Variants in PPP1R9A observed in about 807,000 individuals in gnomAD.
PPP1R9A encodes the protein neurabin-1.
A neutral mutation model predicts 141.9 loss-of-function variants in PPP1R9A; 59 were observed. The observed-to-expected ratio is 0.42, with a 90% CI of 0.34 to 0.52. The LOEUF (loss-of-function observed/expected upper bound fraction) is 0.52, where lower values mean the gene tolerates loss of function less well. Ranked by LOEUF, PPP1R9A falls within the 20% of genes least tolerant of loss-of-function variation. The pLI is 0.10. For missense variants in PPP1R9A, 1,444 were observed against 1,611.9 expected (o/e 0.90, Z 1.78); for synonymous variants, 500 against 569.7 (o/e 0.88, Z 1.74).
rs1175152097 is a variant in PPP1R9A at position 94,987,503 on chromosome 7, G to A, written c.1395+75995G>A. ...TGAGCTAGTAAGCCTACTTCTCATAGTGTATTCTATGTAAATAATTCAAAA... is the reference window on the plus strand; with the variant it reads ...TGAGCTAGTAAGCCTACTTCTCATAATGTATTCTATGTAAATAATTCAAAA... On this transcript the variant is annotated intron_variant, in intron 2 of 19. Transcript: ENST00000433360. Among the ~76,000 whole-genome samples, 6 of 152,254 alleles carry A rather than the reference G, an allele frequency of 3.9e-5. 1 individual carries two copies. Among genetic ancestry groups the A allele is most frequent in the African/African-American group, 1.4e-4 (6 of 41,570 alleles).
At chr7:94,927,444 T>C (rs1004426314) in intron 2 of PPP1R9A, among the ~76,000 whole-genome samples, 4 of 152,240 alleles carry the variant, frequency 2.6e-5, no homozygotes, top group Admixed American at 2.0e-4. Flanking sequence ...TTGTTACTGC[T>C]GTTTTTCATC....
At chr7:95,163,676 A>G (rs780473217) in intron 5 of PPP1R9A, among the ~76,000 whole-genome samples, 1 of 152,112 alleles carries the variant, frequency 6.6e-6, no homozygotes, top group Admixed American at 6.5e-5. Flanking sequence ...AGATATTTTG[A>G]TGTGGGATGC....
At chr7:95,060,489 CT>C (rs1335558522) in intron 2 of PPP1R9A, among the ~76,000 whole-genome samples, 1 of 152,146 alleles carries the variant, frequency 6.6e-6, no homozygotes. Context: ...GCTGTGCCTC[CT>C]TCACCAGTGC....
At chr7:95,023,217 G>A (rs1806259223) in intron 2 of PPP1R9A, among the ~76,000 whole-genome samples, 2 of 152,148 alleles carry the variant, frequency 1.3e-5, no homozygotes, top group African/African-American at 4.8e-5. Flanking sequence ...GAGGGTGTAT[G>A]TGTCGAGAAA....
At chr7:95,184,392 G>T (rs1358997329) in intron 5 of PPP1R9A, among the ~76,000 whole-genome samples, 3 of 152,122 alleles carry the variant, frequency 2.0e-5, no homozygotes, top group Non-Finnish European at 4.4e-5. Flanking sequence ...TTGTTTGAAT[G>T]AAATTATTTG....
intron 2 of PPP1R9A, among the ~76,000 whole-genome samples, chr7:95,084,246 A>T (rs533066605): frequency 8.5e-5 from 13 of 152,184 alleles, no homozygotes; most frequent in Admixed American, 1.3e-4. Context: ...CAGAGAAGTC[A>T]GTCTGTTGCT....
intron 2 of PPP1R9A, among the ~76,000 whole-genome samples, chr7:95,109,761 T>C (rs939984501): frequency 7.9e-5 from 12 of 151,706 alleles, no homozygotes; most frequent in South Asian, 6.2e-4. Flanking sequence ...GGAGAATTAC[T>C]TGAGCTCAGA....
chr7:95,263,710 C>T (rs766879790), intron 12 of PPP1R9A, among the ~76,000 whole-genome samples: 7 of 152,120 alleles, frequency 4.6e-5, no homozygotes, highest in African/African-American at 1.2e-4. Flanking sequence ...CCACTGTACC[C>T]GGCCTCTTTC....
At chr7:95,065,505 A>C (rs1347310819) in intron 2 of PPP1R9A, among the ~76,000 whole-genome samples, 1 of 152,178 alleles carries the variant, frequency 6.6e-6, no homozygotes, top group East Asian at 1.9e-4. Context: ...TACTTTTTTT[A>C]AAAAAGGAAT....
At chr7:95,048,200 T>G (rs1810299604) in intron 2 of PPP1R9A, among the ~76,000 whole-genome samples, 1 of 152,156 alleles carries the variant, frequency 6.6e-6, no homozygotes, top group Admixed American at 6.5e-5. Flanking sequence ...TTGAGAGCAT[T>G]TTCTCCTTAA....
chr7:94,972,675 A>G (rs1377932542), intron 2 of PPP1R9A, among the ~76,000 whole-genome samples: 2 of 152,124 alleles, frequency 1.3e-5, no homozygotes, highest in Non-Finnish European at 2.9e-5. Flanking sequence ...CTGAGCAAGA[A>G]GAGAATGAAT....
chr7:95,186,209 G>A (rs1256574361), intron 5 of PPP1R9A, among the ~76,000 whole-genome samples: 2 of 152,062 alleles, frequency 1.3e-5, no homozygotes, highest in African/African-American at 4.8e-5. Flanking sequence ...CTTCAGCAAC[G>A]TTTTGTAGTT....
At chr7:95,224,758 A>G (rs1398554461) in intron 7 of PPP1R9A, among the ~76,000 whole-genome samples, 1 of 151,896 alleles carries the variant, frequency 6.6e-6, no homozygotes. Flanking sequence ...GAAGAATATA[A>G]TACAGAATCA....
At chr7:95,122,020 T>C (rs1822706787) in intron 4 of PPP1R9A, among the ~76,000 whole-genome samples, 1 of 152,218 alleles carries the variant, frequency 6.6e-6, no homozygotes, top group Admixed American at 6.5e-5. Context: ...TATGTTGTTT[T>C]ATGTACATTT....
intron 2 of PPP1R9A, among the ~76,000 whole-genome samples, chr7:95,074,562 C>T (rs1020427415): frequency 1.3e-5 from 2 of 151,448 alleles, no homozygotes; most frequent in African/African-American, 4.9e-5. Flanking sequence ...CCAACCTCTG[C>T]CTCCCAGGTT....
chr7:95,278,483 T>A (rs549355848), intron 16 of PPP1R9A, among the ~76,000 whole-genome samples: 46 of 152,330 alleles, frequency 3.0e-4, no homozygotes, highest in African/African-American at 1.0e-3. Flanking sequence ...ACAATGTGGT[T>A]CATTTATATT....
intron 2 of PPP1R9A, among the ~76,000 whole-genome samples, chr7:95,087,763 C>T (rs1169802235): frequency 6.6e-6 from 1 of 151,788 alleles, no homozygotes; most frequent in Admixed American, 6.6e-5. Flanking sequence ...GGTGCGGTGG[C>T]AGGCGTCTGT....
chr7:95,240,954 AG>A (rs1187282411), intron 8 of PPP1R9A, among the ~76,000 whole-genome samples: 1 of 141,436 alleles, frequency 7.1e-6, no homozygotes, highest in Admixed American at 7.1e-5. Context: ...TTAGTAGGTT[AG>A]TCAGTAATTA....
chr7:95,104,491 A>G (rs894906986), intron 2 of PPP1R9A, among the ~76,000 whole-genome samples: 3 of 152,162 alleles, frequency 2.0e-5, no homozygotes, highest in African/African-American at 7.2e-5. Context: ...TCATTGTAAC[A>G]TACTCCTTAT....
Sources: gnomAD v4.1 joint callset for allele counts (sites outside exome capture counted in the v4.1 genomes callset) on GRCh38, gnomAD v4.1.1 for gene constraint, MANE v1.5 for transcripts, NCBI Gene and HGNC (gene_info 2026-07-23, HGNC 2026-07-21) for gene names.